GRAMD2B: variants seen among roughly 807,000 people sequenced by gnomAD.
GRAMD2B encodes GRAM domain-containing protein 2B.
A neutral mutation model predicts 59.2 loss-of-function variants in GRAMD2B; 41 were observed. The ratio of observed to expected loss-of-function variants is 0.69; its 90% confidence interval spans 0.54 to 0.90. The LOEUF (loss-of-function observed/expected upper bound fraction) is 0.90. GRAMD2B is among the 40% of genes least tolerant of loss of function. The probability of loss-of-function intolerance (pLI) is 0.00; values close to 1 mark genes in which losing one functional copy is unlikely to be tolerated. For synonymous variants in GRAMD2B, 161 were observed against 182.7 expected, an observed-to-expected ratio of 0.88 and a Z score of 0.96; for missense variants, 424 against 500.5, an observed-to-expected ratio of 0.85 and a Z score of 1.46.
In GRAMD2B at chr5:126,423,490, G is replaced by T; in HGVS notation, c.-117G>T. ...GGCCTGGATGCGCTGGGCGGAGGGT[G>T]CAGGGGAGGGCACGGCGCCGCTTGC... On this transcript the variant is annotated 5_prime_UTR_variant, in exon 1 of 14. Transcript: ENST00000285689. 1 of 1,522,050 alleles carries T rather than the reference G, an allele frequency of 6.6e-7. No individual in the cohort carries two copies. Among genetic ancestry groups the T allele is most frequent in the Non-Finnish European group, 8.8e-7 (1 of 1,137,566 alleles). The allele number at this position is 1,522,050 out of a possible 1,614,324, so 94.3% of individuals were successfully genotyped here.
chr5:126,377,090 C>T (rs1055005529), intron 1 of GRAMD2B, among the ~76,000 whole-genome samples: 6 of 149,010 alleles, frequency 4.0e-5, no homozygotes, highest in Non-Finnish European at 8.9e-5. Context: ...CAGATACTTC[C>T]GCACATTCAA....
upstream of GRAMD2B, chr5:126,423,283 C>T: frequency 1.7e-6 from 2 of 1,175,798 alleles, no homozygotes; most frequent in South Asian, 5.2e-5. Context: ...AGCTTCCTCT[C>T]CCGAAAGACT....
At chr5:126,466,292 A>G in intron 2 of GRAMD2B, 2 of 1,534,148 alleles carry the variant, frequency 1.3e-6, no homozygotes, top group East Asian at 2.4e-5. Context: ...CTGGCTTCCC[A>G]GCCCATATCT....
chr5:126,492,047 C>G (rs746828124), intron 13 of GRAMD2B, among the ~76,000 whole-genome samples: 3 of 152,182 alleles, frequency 2.0e-5, no homozygotes, highest in Non-Finnish European at 4.4e-5. Flanking sequence ...TGAATTCTTA[C>G]AAGTTCCTTT....
At chr5:126,454,974 C>G (rs896069637) in intron 1 of GRAMD2B, among the ~76,000 whole-genome samples, 13 of 152,176 alleles carry the variant, frequency 8.5e-5, no homozygotes, top group Admixed American at 3.3e-4. Context: ...TCCTTCCCAC[C>G]AAACTACAAT....
intron 1 of GRAMD2B, among the ~76,000 whole-genome samples, chr5:126,397,373 C>T (rs1271270695): frequency 6.6e-6 from 1 of 152,102 alleles, no homozygotes; most frequent in Non-Finnish European, 1.5e-5. Context: ...TGCAGGCATG[C>T]ACTACCACGC....
chr5:126,459,956 A>T (rs1287654999), intron 1 of GRAMD2B, among the ~76,000 whole-genome samples: 1 of 152,232 alleles, frequency 6.6e-6, no homozygotes, highest in African/African-American at 2.4e-5. Flanking sequence ...TGTAATAAAC[A>T]TATAAGGACA....
At chr5:126,376,252 A>G (rs1364364905) in intron 1 of GRAMD2B, among the ~76,000 whole-genome samples, 4 of 152,344 alleles carry the variant, frequency 2.6e-5, no homozygotes, top group Middle Eastern at 3.4e-3. Context: ...TGGGAACTGA[A>G]GAGGACAAAA....
chr5:126,385,065 T>A (rs1356461117), intron 1 of GRAMD2B, among the ~76,000 whole-genome samples: 1 of 152,198 alleles, frequency 6.6e-6, no homozygotes, highest in African/African-American at 2.4e-5. Context: ...ATGAAGACCT[T>A]CCCTGTTTGA....
rs995268027 is a variant in GRAMD2B at position 126,442,673 on chromosome 5, C to T, written c.83+18984C>T. Among the ~76,000 whole-genome samples the T allele has an allele frequency of 4.6e-5, 7 of 152,158 alleles. No individual in the cohort carries two copies. In the East Asian group the frequency reaches 5.8e-4, roughly 13 times the overall value. The stretch of plus-strand genomic sequence containing the variant: ...TTCTGTGAGCCCCCTGCTTAAAATC[C>T]GTCTGTAAATATTTCCTTGAAATCT... On this transcript the variant is annotated intron_variant, in intron 1 of 13. Coordinates refer to ENST00000285689, the MANE Select transcript of GRAMD2B (RefSeq NM_023927.4).
At chr5:126,472,939 G>T (rs961171702) in intron 4 of GRAMD2B, among the ~76,000 whole-genome samples, 13 of 152,216 alleles carry the variant, frequency 8.5e-5, no homozygotes, top group Non-Finnish European at 1.5e-4. Flanking sequence ...CTGGGGAAAA[G>T]GGGAACAGGT....
intron 1 of GRAMD2B, among the ~76,000 whole-genome samples, chr5:126,450,894 A>C (rs1765230123): frequency 1.3e-5 from 2 of 152,234 alleles, no homozygotes; most frequent in South Asian, 4.1e-4. Flanking sequence ...ATACCCAGGC[A>C]GAAGCCTGTC....
chr5:126,426,310 CTT>C (rs911490856), intron 1 of GRAMD2B, among the ~76,000 whole-genome samples: 1 of 152,128 alleles, frequency 6.6e-6, no homozygotes, highest in Non-Finnish European at 1.5e-5. Context: ...TCTCCTCTCT[CTT>C]CATCTACTTC....
At chr5:126,418,429 T>C (rs1049237095), upstream of GRAMD2B, among the ~76,000 whole-genome samples, 2 of 152,240 alleles carry the variant, frequency 1.3e-5, no homozygotes, top group African/African-American at 4.8e-5. Context: ...AAAACTATCC[T>C]CTGGCCCCTG....
At chr5:126,473,947 A>G (rs1475898808) in intron 5 of GRAMD2B, among the ~76,000 whole-genome samples, 2 of 152,182 alleles carry the variant, frequency 1.3e-5, no homozygotes, top group African/African-American at 4.8e-5. Context: ...TCTTTTCATT[A>G]TTATTAAATA....
At chr5:126,484,281 G>C in intron 9 of GRAMD2B, 121 bp from the exon 10 acceptor site, 1 of 1,148,396 alleles carries the variant, frequency 8.7e-7, no homozygotes, top group African/African-American at 1.6e-5. Flanking sequence ...ACTAACTTGT[G>C]AGACCATCCA....
chr5:126,469,176 C>T (rs960867126), intron 2 of GRAMD2B, among the ~76,000 whole-genome samples: 2 of 152,142 alleles, frequency 1.3e-5, no homozygotes, highest in Non-Finnish European at 2.9e-5. Context: ...ACTATTTCTA[C>T]AGTTTTTGAT....
intron 1 of GRAMD2B, among the ~76,000 whole-genome samples, chr5:126,387,798 C>T (rs1329753399): frequency 6.6e-6 from 1 of 152,028 alleles, no homozygotes; most frequent in Non-Finnish European, 1.5e-5. Flanking sequence ...AATTTATAAG[C>T]TCCTTCTGGG....
chr5:126,461,302 T>C (rs1028721667), intron 1 of GRAMD2B, among the ~76,000 whole-genome samples: 2 of 152,240 alleles, frequency 1.3e-5, no homozygotes, highest in Admixed American at 6.5e-5. Context: ...CCAGCAGGAA[T>C]GATACTTGAC....
Sources: gnomAD v4.1 joint callset for allele counts (sites outside exome capture counted in the v4.1 genomes callset) on GRCh38, gnomAD v4.1.1 for gene constraint, MANE v1.5 for transcripts, NCBI Gene and HGNC (gene_info 2026-07-23, HGNC 2026-07-21) for gene names.